Variants in TACC2 observed in about 807,000 individuals in gnomAD.
The protein encoded by TACC2 is transforming acidic coiled-coil containing protein 2.
In TACC2, 137 loss-of-function variants were observed where a neutral mutation model predicts 227.3. The ratio of observed to expected loss-of-function variants is 0.60; its 90% CI spans 0.52 to 0.69. The LOEUF is 0.69. Ranked by LOEUF, TACC2 falls within the 30% of genes least tolerant of loss-of-function variation. The probability of loss-of-function intolerance (pLI) is 0.00; values close to 1 mark genes in which losing one functional copy is unlikely to be tolerated. For missense variants in TACC2, 3,470 were observed against 3,694.4 expected, an observed-to-expected ratio of 0.94 and a Z score of 1.57; for synonymous variants, 1,523 against 1,487.5, an observed-to-expected ratio of 1.02 and a Z score of -0.55.
At position 122,029,079 on chromosome 10, in the gene TACC2, G is replaced by A. The variant is rs565920853; in HGVS notation, c.33+7065G>A. Among the ~76,000 whole-genome samples, 12 of 141,280 alleles carry A rather than the reference G, an allele frequency of 8.5e-5. No homozygotes were observed. In the South Asian group the frequency reaches 2.8e-3, roughly 33 times the overall value. The allele number at this position is 141,280 out of a possible 152,430, so 92.7% of individuals were successfully genotyped here. Reference sequence around the variant, plus strand: ...TTTCAGTCCTGTGTTAAACAAGAGCGGTGAGAGGGGACATTTTTCCCTGGT... The same window carrying A: ...TTTCAGTCCTGTGTTAAACAAGAGCAGTGAGAGGGGACATTTTTCCCTGGT... On this transcript the variant is annotated intron_variant, in intron 2 of 22. Coordinates refer to ENST00000369005, the MANE Select transcript of TACC2 (RefSeq NM_206862.4).
chr10:122,064,113 G>T (rs1012082756), intron 3 of TACC2, among the ~76,000 whole-genome samples: 25 of 152,210 alleles, frequency 1.6e-4, no homozygotes, highest in African/African-American at 6.0e-4. Flanking sequence ...AGTGAGCCAA[G>T]ATCATGCCAC....
chr10:122,203,754 G>T (rs1318464500), intron 8 of TACC2, among the ~76,000 whole-genome samples: 7 of 151,566 alleles, frequency 4.6e-5, no homozygotes, highest in Admixed American at 2.0e-4. Context: ...CCCAGACGGG[G>T]TGGCGGCCGG....
chr10:122,111,998 G>A (rs775801593), intron 5 of TACC2, among the ~76,000 whole-genome samples: 3 of 152,110 alleles, frequency 2.0e-5, no homozygotes, highest in Admixed American at 6.6e-5. Flanking sequence ...CAATATTTTC[G>A]CAGAAGGCAG....
intron 3 of TACC2, among the ~76,000 whole-genome samples, chr10:122,061,958 C>T (rs892749849): frequency 6.9e-4 from 103 of 148,710 alleles, no homozygotes; most frequent in Non-Finnish European, 1.2e-4. Context: ...CTGTCCCTAT[C>T]GTAGATCCAC....
Position 122,226,455 on chromosome 10 carries a change from G to T in TACC2, c.7698G>T (p.Met2566Ile). The T allele has an allele frequency of 6.2e-7, 1 of 1,613,954 alleles. No homozygotes were observed. The change falls in exon 13 of 23, where the codon ATG becomes ATT. Residue 2566 changes from methionine to isoleucine, a missense_variant. This residue lies in a region of TACC2 where 345 missense variants were observed against 354.4 expected (regional missense o/e 0.97). Transcript: ENST00000369005. ...CTGTCAAGTCATCTCCCGTCCGCAT[G>T]TCAGAGTCCCCGACGCCGTGTTCAG... ...ESPVKSSPVR[M>I]SESPTPCSGS...
At chr10:122,133,243 C>T (rs1458629715) in intron 6 of TACC2, among the ~76,000 whole-genome samples, 2 of 152,152 alleles carry the variant, frequency 1.3e-5, no homozygotes, top group African/African-American at 4.8e-5. Context: ...TGCCCTTCTG[C>T]CATGTCACCT....
At chr10:122,191,149 G>A (rs1215137283) in intron 7 of TACC2, among the ~76,000 whole-genome samples, 5 of 151,362 alleles carry the variant, frequency 3.3e-5, no homozygotes, top group South Asian at 2.1e-4. Flanking sequence ...TCGAGGTCTC[G>A]CTCTGTCATT....
At chr10:122,048,004 G>A (rs1386218079) in intron 2 of TACC2, among the ~76,000 whole-genome samples, 1 of 152,188 alleles carries the variant, frequency 6.6e-6, no homozygotes, top group African/African-American at 2.4e-5. Flanking sequence ...AATGCACCAG[G>A]TAGGGGAACC....
At chr10:121,992,494 A>C (rs1300678861) in intron 1 of TACC2, among the ~76,000 whole-genome samples, 1 of 152,244 alleles carries the variant, frequency 6.6e-6, no homozygotes, top group Non-Finnish European at 1.5e-5. Flanking sequence ...AGAACAACTC[A>C]GTTCTAGAAT....
intron 7 of TACC2, among the ~76,000 whole-genome samples, chr10:122,166,966 T>G (rs1180060359): frequency 6.6e-6 from 1 of 152,226 alleles, no homozygotes; most frequent in Non-Finnish European, 1.5e-5. Context: ...AGACCTGCTG[T>G]TCATCCCTTG....
chr10:122,129,885 T>A (rs1034455012), intron 5 of TACC2, among the ~76,000 whole-genome samples: 3 of 152,206 alleles, frequency 2.0e-5, no homozygotes, highest in African/African-American at 7.2e-5. Flanking sequence ...GGTGCACACA[T>A]GTGCTAGTCC....
intron 3 of TACC2, among the ~76,000 whole-genome samples, chr10:122,072,630 A>C (rs956035445): frequency 1.3e-5 from 2 of 152,224 alleles, no homozygotes; most frequent in African/African-American, 4.8e-5. Context: ...ATCAGTTAGA[A>C]TATAAATTCC....
chr10:122,108,347 T>C (rs2083136691), intron 5 of TACC2, among the ~76,000 whole-genome samples: 1 of 152,100 alleles, frequency 6.6e-6, no homozygotes, highest in Admixed American at 6.6e-5. Flanking sequence ...TTTTATTCCT[T>C]TTTATGGCTG....
intron 7 of TACC2, among the ~76,000 whole-genome samples, chr10:122,176,208 C>G (rs2093711353): frequency 6.7e-6 from 1 of 149,870 alleles, no homozygotes; most frequent in South Asian, 2.1e-4. Flanking sequence ...ATGGTGGCTG[C>G]AGATGAAGAT....
intron 3 of TACC2, among the ~76,000 whole-genome samples, chr10:122,054,140 G>T (rs1411592872): frequency 2.0e-5 from 3 of 152,184 alleles, no homozygotes; most frequent in East Asian, 1.9e-4. Context: ...AGAACATGGG[G>T]TTTACTCATC....
intron 3 of TACC2, among the ~76,000 whole-genome samples, chr10:122,071,849 T>C (rs1243251457): frequency 4.2e-5 from 6 of 141,592 alleles, no homozygotes; most frequent in Admixed American, 7.2e-5. Context: ...ATTGCGCCAC[T>C]GCACTCCAGC....
chr10:122,175,424 C>T (rs971817935), intron 7 of TACC2, among the ~76,000 whole-genome samples: 1 of 152,182 alleles, frequency 6.6e-6, no homozygotes, highest in African/African-American at 2.4e-5. Flanking sequence ...AAGGAAACCC[C>T]TTCATTCCCG....
chr10:122,170,768 G>A (rs961542706), intron 7 of TACC2, among the ~76,000 whole-genome samples: 2 of 152,104 alleles, frequency 1.3e-5, no homozygotes, highest in African/African-American at 4.8e-5. Context: ...GGCTCCCGCC[G>A]CTCCTCCCCT....
intron 18 of TACC2, among the ~76,000 whole-genome samples, chr10:122,240,735 T>C (rs1368381294): frequency 6.6e-6 from 1 of 152,188 alleles, no homozygotes; most frequent in Non-Finnish European, 1.5e-5. Context: ...GGTTCTCTTG[T>C]GGGGAATAAT....
Sources: allele counts gnomAD v4.1 joint callset (sites outside exome capture counted in the v4.1 genomes callset), GRCh38; gene constraint gnomAD v4.1.1; regional missense constraint gnomAD v4.1.1; transcripts MANE v1.5; gene names NCBI Gene and HGNC (gene_info 2026-07-23, HGNC 2026-07-21).